The following PNPLA7 variants were observed in gnomAD, a reference collection of about 807,000 sequenced individuals.
PNPLA7 encodes patatin like domain 7, lysophospholipase.
In PNPLA7, 153 loss-of-function variants were observed where a neutral mutation model predicts 161.7. The observed-to-expected ratio is 0.95, with a 90% CI of 0.83 to 1.08. PNPLA7 has a LOEUF of 1.08. PNPLA7 is among the 50% of genes least tolerant of loss of function. PNPLA7 has a pLI of 0.00. For synonymous variants in PNPLA7, 809 were observed against 782.1 expected, an observed-to-expected ratio of 1.03 and a Z score of -0.57; for missense variants, 1,739 against 1,856.6, an observed-to-expected ratio of 0.94 and a Z score of 1.16.
At position 137,500,929 on chromosome 9, in the gene PNPLA7, AG is replaced by A. The variant is rs1564318159; in HGVS notation, c.1552-34del. 6.5e-7 allele frequency: 1 copy of A among 1,533,372 alleles called. No individual in the cohort carries two copies. The allele number at this position is 1,533,372 out of a possible 1,614,324, so 95.0% of individuals were successfully genotyped here. A position where few individuals can be genotyped will look rare whatever the true frequency, so the allele number is the denominator to read the frequency against. ...ACGAGAGGGCTCAGGAGGCGCCGCG[AG>A]TGGCCGCGGGCAGGACGGGGGCAGC... is the stretch of plus-strand genomic sequence containing the variant. On this transcript the variant is annotated intron_variant, in intron 15 of 34. Transcript: ENST00000406427. This position sits in a 1 kb window ranked among gnomAD's most constrained non-coding sequence, Gnocchi z 5.5.
intron 9 of PNPLA7, among the ~76,000 whole-genome samples, chr9:137,522,121 C>T (rs894772936): frequency 6.6e-6 from 1 of 152,208 alleles, no homozygotes; most frequent in Non-Finnish European, 1.5e-5. Context: ...GCCGCCCAGG[C>T]TGGAGTGCAG....
chr9:137,461,384 G>A, intron 33 of PNPLA7, 152 bp downstream of exon 33: 1 of 812,514 alleles, frequency 1.2e-6, no homozygotes, highest in Non-Finnish European at 1.9e-6. Context: ...CCGGGACGGA[G>A]GAGTGCCACC....
intron 18 of PNPLA7, among the ~76,000 whole-genome samples, 176 bp downstream of exon 18, chr9:137,497,011 C>A (rs191983991): frequency 6.6e-6 from 1 of 152,188 alleles, no homozygotes; most frequent in African/African-American, 2.4e-5. Context: ...GGGAGTCCCC[C>A]CAATGGAGGC....
intron 26 of PNPLA7, 188 bp from the exon 27 acceptor site, chr9:137,464,644 C>A: frequency 1.6e-6 from 1 of 609,742 alleles, no homozygotes; most frequent in Non-Finnish European, 2.9e-6. Context: ...GGTGGTCGCC[C>A]CAGGGCCTGA....
chr9:137,466,844 C>T (rs28552828), intron 26 of PNPLA7, among the ~76,000 whole-genome samples: 3 of 60,376 alleles, frequency 5.0e-5, no homozygotes, highest in Admixed American at 1.6e-4. Flanking sequence ...GTCTCCATCA[C>T]CTCAGACCCG....
chr9:137,480,709 G>A (rs1360863485), intron 22 of PNPLA7: 2 of 721,454 alleles, frequency 2.8e-6, no homozygotes, highest in Non-Finnish European at 4.5e-6. Context: ...GGCAGGCTGG[G>A]GAGAGTGAGA....
intron 1 of PNPLA7, among the ~76,000 whole-genome samples, chr9:137,549,418 A>T (rs924318334): frequency 4.6e-5 from 7 of 151,440 alleles, no homozygotes; most frequent in Admixed American, 2.6e-4. Flanking sequence ...ATACAAAAAA[A>T]TATTAGCCGG....
intron 11 of PNPLA7, among the ~76,000 whole-genome samples, chr9:137,519,452 T>C (rs1159952809): frequency 6.6e-6 from 1 of 152,160 alleles, no homozygotes; most frequent in Admixed American, 6.5e-5. Context: ...GGGTGAAGGG[T>C]CCTGGGCCTG....
rs1374914636 is a variant in PNPLA7, at chr9:137,463,528, G to A, written c.3230C>T (p.Ser1077Phe). The change falls in exon 29 of 35, where the codon TCC becomes TTC. Residue 1077 changes from serine (S) to phenylalanine (F), a missense_variant. Physicochemically the swap from Ser to Phe is radical, Grantham distance 155. This residue lies in a region of PNPLA7 where 703 missense variants were observed against 694.6 expected (regional missense o/e 1.01). Coordinates refer to ENST00000406427, the MANE Select transcript of PNPLA7 (RefSeq NM_001098537.3). Reference sequence around the variant, plus strand: ...GCTGGCACGCACGTACCACCACAGGGAGCCTGGGGAGGGGGCCCGGAGCTG... The same window carrying A: ...GCTGGCACGCACGTACCACCACAGGAAGCCTGGGGAGGGGGCCCGGAGCTG... The part of the protein sequence containing the change: ...ASAMRVHTDG[S>F]LWWYVRASMS... The A allele has an allele frequency of 1.3e-6, 2 of 1,576,446 alleles. No individual in the cohort carries two copies. Among genetic ancestry groups the A allele is most frequent in the African/African-American group, 2.7e-5 (2 of 74,356 alleles).
intron 12 of PNPLA7, among the ~76,000 whole-genome samples, chr9:137,506,858 C>T (rs980144391): frequency 6.6e-6 from 1 of 152,270 alleles, no homozygotes; most frequent in African/African-American, 2.4e-5. Flanking sequence ...TCGTGTGCAG[C>T]TGCGCATGCG....
At position 137,463,451 on chromosome 9, in the gene PNPLA7, G is replaced by A. The variant is rs1282119739; in HGVS notation, c.3307C>T (p.Leu1103=). ...PPLCDPKDGH[L]LMDGGYINNL... ...TTGATGTAGCCCCCGTCCATCAGCAGGTGTCCGTCCTTCGGGTCACAGAGA... is the reference window on the plus strand; with the variant it reads ...TTGATGTAGCCCCCGTCCATCAGCAAGTGTCCGTCCTTCGGGTCACAGAGA... The change falls in exon 29 of 35, where the codon CTG becomes TTG. Residue 1103 remains leucine, a synonymous_variant. Transcript: ENST00000406427. The A allele has an allele frequency of 1.2e-6, 2 of 1,601,332 alleles. No individual in the cohort carries two copies. Among genetic ancestry groups the A allele is most frequent in the Admixed American group, 3.4e-5 (2 of 58,254 alleles).
chr9:137,474,692 C>G (rs28447096), intron 25 of PNPLA7, among the ~76,000 whole-genome samples: 4 of 152,204 alleles, frequency 2.6e-5, no homozygotes, highest in African/African-American at 9.6e-5. Flanking sequence ...GAAGATCCAT[C>G]TAAGATGCCC....
chr9:137,507,334 C>A (rs1314915651), intron 12 of PNPLA7, among the ~76,000 whole-genome samples: 3 of 152,262 alleles, frequency 2.0e-5, no homozygotes, highest in African/African-American at 7.2e-5. Context: ...TGCAGCCACA[C>A]AGGGGAACAC....
In PNPLA7 at chr9:137,512,459, G is replaced by A. The variant is rs185331443; in HGVS notation, c.1225+2920C>T. On this transcript the variant is annotated intron_variant, in intron 12 of 34. Coordinates refer to ENST00000406427, the MANE Select transcript of PNPLA7 (RefSeq NM_001098537.3). ...CATCGGGACGGCAGGCAGCCGTGGTGGGGAGCAGGTTTTACAACCAGACAT... is the reference window on the plus strand; with the variant it reads ...CATCGGGACGGCAGGCAGCCGTGGTAGGGAGCAGGTTTTACAACCAGACAT... Among the ~76,000 whole-genome samples, 279 of 152,344 alleles carry A rather than the reference G, an allele frequency of 1.8e-3. 1 individual carries two copies. Among genetic ancestry groups the A allele is most frequent in the Middle Eastern group, 6.8e-3 (2 of 294 alleles).
chr9:137,513,477 A>AC (rs902070277), intron 12 of PNPLA7, among the ~76,000 whole-genome samples: 12 of 80,756 alleles, frequency 1.5e-4, no homozygotes, highest in Admixed American at 1.0e-3. Context: ...ACTCTGTCAC[A>AC]AAAAAAAAAA....
In PNPLA7 at chr9:137,547,126, A is replaced by C. The variant is rs1435504552; in HGVS notation, c.193+183T>G. On this transcript the variant is annotated intron_variant, in intron 3 of 34. Transcript: ENST00000406427. This position sits in a 1 kb window ranked among gnomAD's most constrained non-coding sequence, Gnocchi z 4.6. ...GCCTTGCTCAGGAGAGGAGAACAGA[A>C]AGGGCTCTGAACAGACTTGGCTTCC... Among the ~76,000 whole-genome samples, 1 of 152,114 alleles carries C rather than the reference A, an allele frequency of 6.6e-6. No individual in the cohort carries two copies. The highest frequency in any genetic ancestry group is 1.5e-5 in the Non-Finnish European group (1 of 68,018).
Position 137,540,143 on chromosome 9 carries a change from G to T in PNPLA7, c.747+499C>A, listed in dbSNP as rs1348821056. Among the ~76,000 whole-genome samples, 1 of 152,144 alleles carries T rather than the reference G, an allele frequency of 6.6e-6. No individual in the cohort carries two copies. Among genetic ancestry groups the T allele is most frequent in the East Asian group, 1.9e-4 (1 of 5,194 alleles). On this transcript the variant is annotated intron_variant, in intron 8 of 34. Coordinates refer to ENST00000406427, the MANE Select transcript of PNPLA7 (RefSeq NM_001098537.3). The surrounding 1 kb of genome is among the most constrained non-coding windows in gnomAD (Gnocchi z 5.1). ...CTGGGACCCTGCAAGTCCACCCTAG[G>T]ATTTATCCTGCAGATCAGGCTCTGG...
At chr9:137,470,836 A>C (rs1831671187) in intron 25 of PNPLA7, among the ~76,000 whole-genome samples, 1 of 152,268 alleles carries the variant, frequency 6.6e-6, no homozygotes, top group African/African-American at 2.4e-5. Flanking sequence ...AACAGATTAA[A>C]GAGAAAATAC....
rs761072855 is a variant in PNPLA7 at position 137,462,749 on chromosome 9, C to T, written c.3428G>A (p.Gly1143Glu). The T allele has an allele frequency of 3.1e-6, 5 of 1,613,910 alleles. No homozygotes were observed. Among genetic ancestry groups the T allele is most frequent in the Admixed American group, 3.3e-5 (2 of 59,994 alleles). Residue 1143 changes from glycine (G) to glutamate (E), a missense_variant, in exon 30 of 35, where the codon GGG becomes GAG. Physicochemically the swap from Gly to Glu is moderately conservative, Grantham distance 98. Transcript: ENST00000406427. The part of the protein sequence containing the change: ...SRDETDLTNY[G>E]DALSGWWLLW... ...CAGCCACCACCCAGACAGCGCATCC[C>T]CATAGTTGGTGAGGTCCGTCTCATC...
Sources: allele counts gnomAD v4.1 joint callset (sites outside exome capture counted in the v4.1 genomes callset), GRCh38; gene constraint gnomAD v4.1.1; regional missense constraint gnomAD v4.1.1; non-coding constraint Gnocchi (gnomAD v3.1); transcripts MANE v1.5; gene names NCBI Gene and HGNC (gene_info 2026-07-23, HGNC 2026-07-21).